Variants in RYR2 observed in about 807,000 individuals in gnomAD.
The protein encoded by RYR2 is cardiac muscle ryanodine receptor-calcium release channel.
Under a neutral mutation model 601.1 loss-of-function variants are expected in RYR2, and 227 were observed. That is an observed-to-expected ratio of 0.38 (90% CI 0.34 to 0.42). RYR2 has a LOEUF of 0.42. Among genes scored for constraint, RYR2 ranks in the 10% least tolerant of loss-of-function variants. RYR2 has a pLI of 1.00. For missense variants in RYR2, 4,646 were observed against 6,156.5 expected, an observed-to-expected ratio of 0.75 and a Z score of 8.21; for synonymous variants, 2,223 against 2,175.1, an observed-to-expected ratio of 1.02 and a Z score of -0.61.
chr1:237,655,824 T>C lies in RYR2; in HGVS notation c.7969T>C (p.Tyr2657His), dbSNP rs376527336. 3 of 1,583,496 alleles carry C rather than the reference T, an allele frequency of 1.9e-6. No individual in the cohort carries two copies. Among genetic ancestry groups the C allele is most frequent in the Non-Finnish European group, 2.6e-6 (3 of 1,167,278 alleles). ...GIFDALSQKK[Y>H]EQELFKLALP... Reference sequence around the variant, plus strand: ...TTTGGTCCTCCATTTTTCCCAGAAATATGAACAAGAACTTTTCAAACTGGC... The same window carrying C: ...TTTGGTCCTCCATTTTTCCCAGAAACATGAACAAGAACTTTTCAAACTGGC... Residue 2657 changes from tyrosine to histidine, a missense_variant, in exon 53 of 105, where the codon TAT becomes CAT. Transcript: ENST00000366574.
rs1284512678 is a variant in RYR2, at chr1:237,648,441, T to C, written c.7343-3T>C. On this transcript the variant is annotated splice_polypyrimidine_tract_variant and splice_region_variant and intron_variant, in intron 48 of 104. Coordinates refer to ENST00000366574, the MANE Select transcript of RYR2 (RefSeq NM_001035.3). ...GACACCAAAATTCACTTCTCTCTTT[T>C]AGATGGGAATGTGGTGGAACCTGAC... 6.2e-7 allele frequency: 1 copy of C among 1,600,062 alleles called. No individual in the cohort carries two copies. The highest frequency in any genetic ancestry group is 1.7e-5 in the Admixed American group (1 of 58,596).
chr1:237,253,177 A>C (rs1195797880), intron 1 of RYR2, among the ~76,000 whole-genome samples: 4 of 150,440 alleles, frequency 2.7e-5, no homozygotes, highest in Admixed American at 6.6e-5. Flanking sequence ...AAAAAAAAAA[A>C]AAAACAACAA....
intron 80 of RYR2, among the ~76,000 whole-genome samples, chr1:237,742,819 C>T (rs558906324): frequency 7.2e-5 from 11 of 152,298 alleles, no homozygotes; most frequent in East Asian, 5.8e-4. Context: ...TGGCACACAA[C>T]GCAGTTTGCT....
At chr1:237,616,043 G>A (rs1385343250) in intron 37 of RYR2, among the ~76,000 whole-genome samples, 3 of 152,158 alleles carry the variant, frequency 2.0e-5, no homozygotes, top group Non-Finnish European at 4.4e-5. Flanking sequence ...AGGGAGGAAA[G>A]AGAGTGTGAT....
At chr1:237,477,926 C>T (rs1661587088) in intron 17 of RYR2, among the ~76,000 whole-genome samples, 2 of 152,116 alleles carry the variant, frequency 1.3e-5, no homozygotes, top group Admixed American at 6.5e-5. Context: ...CCAGGCAGTC[C>T]CCTCAGGGTC....
intron 10 of RYR2, among the ~76,000 whole-genome samples, chr1:237,402,662 A>T (rs1703456180): frequency 6.6e-6 from 1 of 152,166 alleles, no homozygotes. Flanking sequence ...GCTTGGTGTC[A>T]CACACCTGTC....
chr1:237,290,631 A>C lies in RYR2; in HGVS notation c.168+20015A>C, dbSNP rs868802314. Among the ~76,000 whole-genome samples, 81 of 152,324 alleles carry C rather than the reference A, an allele frequency of 5.3e-4. 1 individual carries two copies. In the Middle Eastern group the frequency reaches 0.01, roughly 19 times the overall value. ...AGACTTCTGAATATCAGCAAATACC[A>C]TAGTATGTAAAGCAAACAAATAAAA... is the stretch of plus-strand genomic sequence containing the variant. On this transcript the variant is annotated intron_variant, in intron 2 of 104. Coordinates refer to ENST00000366574, the MANE Select transcript of RYR2 (RefSeq NM_001035.3).
Position 237,610,751 on chromosome 1 carries a change from C to G in RYR2, c.4684-11C>G, listed in dbSNP as rs7546045. The stretch of plus-strand genomic sequence containing the variant: ...CTACATTTATTCTTTTTCTGCCTCC[C>G]CATCCGCTAGAATGTGATGCCTCTC... On this transcript the variant is annotated splice_polypyrimidine_tract_variant and intron_variant, in intron 35 of 104. Coordinates refer to ENST00000366574, the MANE Select transcript of RYR2 (RefSeq NM_001035.3). This position sits in a 1 kb window ranked among gnomAD's most constrained non-coding sequence, Gnocchi z 4.9. 6.3e-7 allele frequency: 1 copy of G among 1,582,380 alleles called. No individual in the cohort carries two copies.
At chr1:237,742,027 C>A (rs1003003891) in intron 79 of RYR2, among the ~76,000 whole-genome samples, 1 of 152,104 alleles carries the variant, frequency 6.6e-6, no homozygotes, top group Non-Finnish European at 1.5e-5. Flanking sequence ...GAATAAGTAG[C>A]GGGTATAGTA....
At chr1:237,422,107 G>T (rs1197123317) in intron 11 of RYR2, among the ~76,000 whole-genome samples, 1 of 152,110 alleles carries the variant, frequency 6.6e-6, no homozygotes, top group African/African-American at 2.4e-5. Context: ...ATAGAACTGT[G>T]CCATCACTCT....
At chr1:237,782,630 C>T (rs1318436684) in intron 89 of RYR2, among the ~76,000 whole-genome samples, 2 of 152,140 alleles carry the variant, frequency 1.3e-5, no homozygotes, top group African/African-American at 2.4e-5. Flanking sequence ...TGCATGGCCC[C>T]GATTCGAATT....
At chr1:237,376,278 T>G (rs966067085) in intron 7 of RYR2, among the ~76,000 whole-genome samples, 6 of 152,172 alleles carry the variant, frequency 3.9e-5, no homozygotes, top group Non-Finnish European at 4.4e-5. Context: ...AAAACACAGA[T>G]TACATGTTGA....
chr1:237,376,013 G>T (rs1027789110), intron 7 of RYR2, among the ~76,000 whole-genome samples: 9 of 151,894 alleles, frequency 5.9e-5, no homozygotes, highest in African/African-American at 1.9e-4. Flanking sequence ...ATTATTTGTT[G>T]TCTGCCTGCC....
chr1:237,380,045 A>G lies in RYR2; in HGVS notation c.576+2610A>G, dbSNP rs148395104. 7.2e-4 allele frequency among the ~76,000 whole-genome samples: 110 copies of G among 152,190 alleles called. 1 individual carries two copies. The highest frequency in any genetic ancestry group is 1.9e-3 in the South Asian group (9 of 4,812). ...CAGAGCTGTATGAGGATATTGTAAG[A>G]CAGTAAATACGCATTACAGTATAGC... On this transcript the variant is annotated intron_variant, in intron 8 of 104. Coordinates refer to ENST00000366574, the MANE Select transcript of RYR2 (RefSeq NM_001035.3).
chr1:237,690,138 A>G (rs116480372), intron 63 of RYR2, among the ~76,000 whole-genome samples: 7 of 152,236 alleles, frequency 4.6e-5, no homozygotes, highest in African/African-American at 7.2e-5. Context: ...TGCCTGGCCA[A>G]ATCTTTTAAG....
At chr1:237,159,240 G>A (rs574298606) in intron 1 of RYR2, among the ~76,000 whole-genome samples, 1 of 152,108 alleles carries the variant, frequency 6.6e-6, no homozygotes, top group South Asian at 2.1e-4. Flanking sequence ...CCAGTGAGCC[G>A]AGATCATGCC....
intron 1 of RYR2, among the ~76,000 whole-genome samples, chr1:237,228,296 G>A (rs1572275817): frequency 1.3e-5 from 2 of 152,264 alleles, no homozygotes; most frequent in East Asian, 3.9e-4. Flanking sequence ...TGCTGCAAAT[G>A]CCATTAATTC....
intron 2 of RYR2, among the ~76,000 whole-genome samples, chr1:237,307,023 A>G (rs773065480): frequency 5.9e-5 from 9 of 152,178 alleles, no homozygotes; most frequent in Non-Finnish European, 1.0e-4. Context: ...AAACTGTAAT[A>G]CCTCGATGAG....
intron 35 of RYR2, among the ~76,000 whole-genome samples, chr1:237,604,670 A>G (rs1022915599): frequency 2.0e-5 from 3 of 152,152 alleles, no homozygotes; most frequent in African/African-American, 7.2e-5. Flanking sequence ...TTGGTAGACC[A>G]CTACCAAGAC....
Sources: gnomAD v4.1 joint callset for allele counts (sites outside exome capture counted in the v4.1 genomes callset) on GRCh38, gnomAD v4.1.1 for gene constraint, Gnocchi (gnomAD v3.1) non-coding constraint, MANE v1.5 for transcripts, NCBI Gene and HGNC (gene_info 2026-07-23, HGNC 2026-07-21) for gene names.